Variants in SAGE1 observed in about 807,000 individuals in gnomAD.
SAGE1 encodes the protein sarcoma antigen 1, also known as cancer/testis antigen 14.
In SAGE1, 55 loss-of-function variants were observed where a neutral mutation model predicts 55.4. The ratio of observed to expected loss-of-function variants is 0.99; its 90% CI spans 0.80 to 1.24. The LOEUF (loss-of-function observed/expected upper bound fraction) is 1.24. SAGE1 is among the 50% of genes most tolerant of loss of function. The pLI is 0.00. For synonymous variants in SAGE1, 240 were observed against 244.3 expected, an observed-to-expected ratio of 0.98 and a Z score of 0.17; for missense variants, 710 against 704.4, an observed-to-expected ratio of 1.01 and a Z score of -0.09.
intron 12 of SAGE1, 36 bp from the exon 13 acceptor site, chrX:135,908,828 G>A (rs782522476): frequency 5.9e-6 from 7 of 1,191,703 alleles, no homozygotes; most frequent in South Asian, 5.5e-5. Flanking sequence ...CATAATGCAC[G>A]TACCTCACAG....
chrX:135,905,963 T>A lies in SAGE1; in HGVS notation c.455-61T>A, dbSNP rs1413912671. The A allele has an allele frequency of 4.0e-6, 4 of 997,689 alleles. No individual in the cohort carries two copies. In the African/African-American group the frequency reaches 7.6e-5, roughly 19 times the overall value. 82.2% of individuals were successfully genotyped at this position (997,689 alleles called of 1,213,427 possible). Reference sequence around the variant, plus strand: ...CTAGAAACTGAGCATCAGAGGGATATACCTGTGGCACTGACGTAATGCACT... The same window carrying A: ...CTAGAAACTGAGCATCAGAGGGATAAACCTGTGGCACTGACGTAATGCACT... On this transcript the variant is annotated intron_variant, in intron 5 of 19. Coordinates refer to ENST00000370709, the MANE Select transcript of SAGE1 (RefSeq NM_001381902.1).
Position 135,904,562 on chromosome X carries a change from A to C in SAGE1, c.306A>C (p.Pro102=). The change falls in exon 4 of 20, where the codon CCA becomes CCC. Residue 102 remains proline (P), a synonymous_variant. Transcript: ENST00000370709. ...ATAATGTCTTGTCAACTGCTCCACC[A>C]TGGCCTGGTAATATGGCAGCAGCAG... ...VADNVLSTAP[P]WPDATIAHNI... 8.6e-7 allele frequency: 1 copy of C among 1,165,347 alleles called. No homozygotes were observed. The highest frequency in any genetic ancestry group is 1.2e-6 in the Non-Finnish European group (1 of 856,201).
intron 8 of SAGE1, 25 bp downstream of exon 8, chrX:135,907,091 A>G: frequency 8.4e-7 from 1 of 1,192,319 alleles, no homozygotes; most frequent in African/African-American, 1.7e-5. Flanking sequence ...TAATTGGATT[A>G]TCCTGCTTGG....
intron 13 of SAGE1, among the ~76,000 whole-genome samples, chrX:135,909,369 C>T (rs1427334460): frequency 8.9e-6 from 1 of 112,081 alleles, no homozygotes; most frequent in Non-Finnish European, 1.9e-5. Context: ...GGCTGGTATT[C>T]CACCCCTGAG....
chrX:135,910,630 A>G, intron 16 of SAGE1, 75 bp downstream of exon 16: 1 of 980,998 alleles, frequency 1.0e-6, no homozygotes, highest in Non-Finnish European at 1.4e-6. Context: ...GGTAGAAGGT[A>G]ATTTTGTTGT....
chrX:135,912,635 C>G, intron 19 of SAGE1, 163 bp from the exon 20 acceptor site: 3 of 751,038 alleles, frequency 4.0e-6, no homozygotes, highest in Non-Finnish European at 4.7e-6. Context: ...TATGTGGGCC[C>G]TCAGTTGACT....
At chrX:135,898,040 C>T (rs2088613147) in intron 2 of SAGE1, among the ~76,000 whole-genome samples, 2 of 111,181 alleles carry the variant, frequency 1.8e-5, no homozygotes, top group Admixed American at 9.5e-5. Flanking sequence ...TTTTTTGAGA[C>T]GGAGTCACGC....
rs782366410 is a variant in SAGE1 at position 135,904,514 on chromosome X, A to G, written c.258A>G (p.Ile86Met). The G allele has an allele frequency of 9.6e-5, 116 of 1,203,985 alleles. No individual in the cohort carries two copies. The South Asian group carries it at 1.8e-3, about 19-fold the overall frequency. Reference protein sequence around the residue: ...AVTHSICEERINNGQPVADNV... With the variant: ...AVTHSICEERMNNGQPVADNV... ...CTCACAGCATTTGTGAAGAGAGGATAAATAACGGCCAACCAGTAGCTGATA... is the reference window on the plus strand; with the variant it reads ...CTCACAGCATTTGTGAAGAGAGGATGAATAACGGCCAACCAGTAGCTGATA... Residue 86 changes from isoleucine (I) to methionine (M), a missense_variant, in exon 4 of 20, where the codon ATA becomes ATG. Transcript: ENST00000370709.
intron 17 of SAGE1, 73 bp downstream of exon 17, chrX:135,911,405 GT>G: frequency 9.2e-7 from 1 of 1,089,764 alleles, no homozygotes; most frequent in Non-Finnish European, 1.3e-6. Context: ...AGGGAAGAAG[GT>G]GGTTTTGTTG....
rs2088650468 is a variant in SAGE1 at position 135,900,198 on chromosome X, A to G, written c.88-1361A>G. ...ACCTGGTTTATTGAGAGCTTTTAATATAAGGGGATGTTGAATTTTATCAAA... is the reference window on the plus strand; with the variant it reads ...ACCTGGTTTATTGAGAGCTTTTAATGTAAGGGGATGTTGAATTTTATCAAA... On this transcript the variant is annotated intron_variant, in intron 2 of 19. Transcript: ENST00000370709. 2.7e-5 allele frequency among the ~76,000 whole-genome samples: 3 copies of G among 111,264 alleles called. No individual in the cohort carries two copies. In the Admixed American group the frequency reaches 2.9e-4, roughly 11 times the overall value.
chrX:135,904,614 A>T, intron 4 of SAGE1, 45 bp downstream of exon 4: 1 of 782,950 alleles, frequency 1.3e-6, no homozygotes, highest in Non-Finnish European at 1.9e-6. Flanking sequence ...TATGAAATTC[A>T]TCCATGAGTA....
chrX:135,909,771 G>A lies in SAGE1; in HGVS notation c.1715G>A (p.Arg572Lys), dbSNP rs1213443010. 1 of 1,200,629 alleles carries A rather than the reference G, an allele frequency of 8.3e-7. No individual in the cohort carries two copies. ...TVAGIPAMST[R>K]DQYATVTHNV... ...GCTGGTATTCCGGCCATGAGTACCA[G>A]GGATCAGTGTATGTTTGCTTATTCA... The change falls in exon 14 of 20, where the codon AGG becomes AAG. Residue 572 changes from arginine (R) to lysine (K), a missense_variant. Coordinates refer to ENST00000370709, the MANE Select transcript of SAGE1 (RefSeq NM_001381902.1).
Position 135,907,365 on chromosome X carries a change from G to A in SAGE1, c.930G>A (p.Pro310=), listed in dbSNP as rs781963951. Reference sequence around the variant, plus strand: ...AAGAGAAGATGGAAAATGACCAACCGCAACCTAATAACGTATTGTCAACTG... The same window carrying A: ...AAGAGAAGATGGAAAATGACCAACCACAACCTAATAACGTATTGTCAACTG... ...VCEEKMENDQ[P]QPNNVLSTVQ... is the part of the protein sequence containing the mutation. Residue 310 remains proline, a synonymous_variant, in exon 9 of 20, where the codon CCG becomes CCA. Transcript: ENST00000370709. The A allele has an allele frequency of 4.2e-5, 51 of 1,203,514 alleles. No individual in the cohort carries two copies. The highest frequency in any genetic ancestry group is 5.3e-5 in the South Asian group (3 of 56,096).
At position 135,908,928 on chromosome X, in the gene SAGE1, G is replaced by A. The variant is rs1386186606; in HGVS notation, c.1506G>A (p.Lys502=). 1.7e-6 allele frequency: 2 copies of A among 1,206,528 alleles called. No individual in the cohort carries two copies. The highest frequency in any genetic ancestry group is 2.2e-6 in the Non-Finnish European group (2 of 892,676). Residue 502 remains lysine, a synonymous_variant, in exon 13 of 20, where the codon AAG becomes AAA. Transcript: ENST00000370709. Reference sequence around the variant, plus strand: ...AAAGTGGCAAACCCCAAACTGATAAGGTCATATCAAATGATGCACCACAGC... The same window carrying A: ...AAAGTGGCAAACCCCAAACTGATAAAGTCATATCAAATGATGCACCACAGC... ...KMESGKPQTD[K]VISNDAPQLG...
At chrX:135,903,429 C>T (rs1318221359) in intron 3 of SAGE1, among the ~76,000 whole-genome samples, 5 of 112,935 alleles carry the variant, frequency 4.4e-5, no homozygotes, top group Admixed American at 9.3e-5. Context: ...GTGAGCTCCA[C>T]AAGGGCAGGG....
In SAGE1 at chrX:135,908,513, T is replaced by C; in HGVS notation, c.1337T>C (p.Met446Thr). ...TVNHHVHEARMENGQRKQDNV... is the reference protein window; with the variant it reads ...TVNHHVHEARTENGQRKQDNV... ...AATCACCATGTCCATGAAGCAAGGATGGAAAATGGCCAACGAAAACAGGAT... is the reference window on the plus strand; with the variant it reads ...AATCACCATGTCCATGAAGCAAGGACGGAAAATGGCCAACGAAAACAGGAT... The change falls in exon 12 of 20, where the codon ATG becomes ACG. Residue 446 changes from methionine (M) to threonine (T), a missense_variant. Coordinates refer to ENST00000370709, the MANE Select transcript of SAGE1 (RefSeq NM_001381902.1). 8.3e-7 allele frequency: 1 copy of C among 1,207,964 alleles called. No homozygotes were observed. The highest frequency in any genetic ancestry group is 1.8e-5 in the South Asian group (1 of 56,035).
chrX:135,908,731 C>T (rs2088843073), intron 12 of SAGE1, 114 bp downstream of exon 12: 2 of 1,021,297 alleles, frequency 2.0e-6, no homozygotes, highest in East Asian at 6.1e-5. Flanking sequence ...ATTTGAGGGG[C>T]CTCAGATCAT....
At chrX:135,907,235 C>A (rs2088812192) in intron 8 of SAGE1, 78 bp from the exon 9 acceptor site, 1 of 1,094,935 alleles carries the variant, frequency 9.1e-7, no homozygotes, top group African/African-American at 1.8e-5. Context: ...TTCTTAGAAG[C>A]TGAGCATCAT....
chrX:135,911,524 TG>T, intron 17 of SAGE1, 54 bp from the exon 18 acceptor site: 1 of 961,669 alleles, frequency 1.0e-6, no homozygotes, highest in Non-Finnish European at 1.5e-6. Context: ...GGATATACTG[TG>T]GGGGTGACAT....
Sources: gnomAD v4.1 joint callset for allele counts (sites outside exome capture counted in the v4.1 genomes callset) on GRCh38, gnomAD v4.1.1 for gene constraint, MANE v1.5 for transcripts, NCBI Gene and HGNC (gene_info 2026-07-23, HGNC 2026-07-21) for gene names.